ZNF799: variants seen among roughly 807,000 people sequenced by gnomAD.
ZNF799 encodes the protein zinc finger protein 799.
In ZNF799, 28 loss-of-function variants were observed where a neutral mutation model predicts 41.0. The ratio of observed to expected loss-of-function variants is 0.68; its 90% CI spans 0.51 to 0.94. The LOEUF (loss-of-function observed/expected upper bound fraction) is 0.94, where lower values mean the gene tolerates loss of function less well. Among genes scored for constraint, ZNF799 ranks in the 40% least tolerant of loss-of-function variants. The probability of loss-of-function intolerance (pLI) is 0.00; values close to 1 mark genes in which losing one functional copy is unlikely to be tolerated. For missense variants in ZNF799, 716 were observed against 764.3 expected (o/e 0.94, Z 0.74); for synonymous variants, 213 against 252.9 (o/e 0.84, Z 1.50).
At chr19:12,406,452 C>A in the ZNF799 span, among the ~76,000 whole-genome samples, 5 of 150,252 alleles carry the variant, frequency 3.3e-5, no homozygotes, top group Admixed American at 6.6e-5. Flanking sequence ...CCACTGGACT[C>A]CAGCCTGGGC....
intron 1 of ZNF799, among the ~76,000 whole-genome samples, chr19:12,397,518 T>C (rs1477006352): frequency 6.7e-6 from 1 of 149,730 alleles, no homozygotes; most frequent in African/African-American, 2.5e-5. Flanking sequence ...TTAACTATGA[T>C]TGCTCCACTG....
intron 1 of ZNF799, among the ~76,000 whole-genome samples, chr19:12,399,589 C>T (rs1248158733): frequency 6.7e-6 from 1 of 148,952 alleles, no homozygotes; most frequent in South Asian, 2.1e-4. Context: ...GGAGGAGTGA[C>T]CCAGGGGATG....
the ZNF799 span, among the ~76,000 whole-genome samples, chr19:12,412,417 T>C: frequency 6.7e-6 from 1 of 149,734 alleles, no homozygotes; most frequent in Non-Finnish European, 1.5e-5. Flanking sequence ...TGTATTTTGT[T>C]GAGTTGCCTT....
upstream of ZNF799, among the ~76,000 whole-genome samples, chr19:12,401,644 G>C (rs1969990072): frequency 1.5e-5 from 2 of 132,948 alleles, no homozygotes; most frequent in African/African-American, 5.7e-5. Context: ...ATGGTGCGAG[G>C]CTCACTGCGA....
At chr19:12,409,884 C>T in the ZNF799 span, among the ~76,000 whole-genome samples, 29 of 152,232 alleles carry the variant, frequency 1.9e-4, no homozygotes, top group African/African-American at 6.5e-4. Flanking sequence ...CAGTGGCTCA[C>T]GCCCATAATC....
intron 1 of ZNF799, chr19:12,394,735 T>C (rs535424923): frequency 1.0e-6 from 1 of 985,126 alleles, no homozygotes; most frequent in African/African-American, 1.7e-5. Flanking sequence ...TTATAATACT[T>C]ACTAAGAAAC....
Position 12,391,130 on chromosome 19 carries a change from C to A in ZNF799, c.1268G>T (p.Cys423Phe). Residue 423 changes from cysteine (C) to phenylalanine (F), a missense_variant, in exon 4 of 4, where the codon TGT becomes TTT. Physicochemically the swap from Cys to Phe is radical, Grantham distance 205. This residue lies in a region of ZNF799 where 698 missense variants were observed against 713.6 expected (regional missense o/e 0.98). Transcript: ENST00000430385. ...KTHTAEKPYK[C>F]KQCGKAYRIS... is the part of the protein sequence containing the mutation. ...ACGGTAGGCTTTGCCACATTGTTTA[C>A]ATTTATAGGGTTTCTCTGCAGTGTG... 1.2e-6 allele frequency: 2 copies of A among 1,614,178 alleles called. No individual in the cohort carries two copies. The highest frequency in any genetic ancestry group is 1.7e-6 in the Non-Finnish European group (2 of 1,180,014).
chr19:12,414,139 G>A, the ZNF799 span, among the ~76,000 whole-genome samples: 2 of 151,838 alleles, frequency 1.3e-5, no homozygotes, highest in African/African-American at 4.8e-5. Flanking sequence ...GCCTCCTCGC[G>A]GCAGCTCCCT....
In ZNF799 at chr19:12,392,121, T is replaced by C. The variant is rs187867808; in HGVS notation, c.277A>G (p.Thr93Ala). The C allele has an allele frequency of 5.6e-5, 90 of 1,614,140 alleles. No homozygotes were observed. The African/African-American group carries it at 9.2e-4, about 16-fold the overall frequency. ...CCTACTCCAGGAAGAGTGTTCTTGG[T>C]CACAATACTATCTTGAATCTGGCTA... ...TSSQIQDSIV[T>A]KNTLPGVGPY... Residue 93 changes from threonine (T) to alanine (A), a missense_variant, in exon 4 of 4, where the codon ACC (threonine) becomes GCC (alanine). Thr to Ala is a moderately conservative substitution (Grantham distance 58). Coordinates refer to ENST00000430385, the MANE Select transcript of ZNF799 (RefSeq NM_001080821.3).
chr19:12,390,872 C>A lies in ZNF799; in HGVS notation c.1526G>T (p.Cys509Phe). The A allele has an allele frequency of 6.2e-7, 1 of 1,614,098 alleles. No homozygotes were observed. Residue 509 changes from cysteine to phenylalanine, a missense_variant, in exon 4 of 4, where the codon TGT (cysteine) becomes TTT (phenylalanine). Cys to Phe is a radical substitution (Grantham distance 205). This residue lies in a region of ZNF799 where 698 missense variants were observed against 713.6 expected (regional missense o/e 0.98). Transcript: ENST00000430385. Reference sequence around the variant, plus strand: ...ACCAAAATGACTGAAGGCTTTCTTACATGTGTTACACTCATAAGGTTTCTC... The same window carrying A: ...ACCAAAATGACTGAAGGCTTTCTTAAATGTGTTACACTCATAAGGTTTCTC... ...TGEKPYECNTCKKAFSHFGNL... is the reference protein window; with the variant it reads ...TGEKPYECNTFKKAFSHFGNL...
chr19:12,409,961 ACATGGCAAAACC>A, the ZNF799 span, among the ~76,000 whole-genome samples: 5 of 152,276 alleles, frequency 3.3e-5, no homozygotes, highest in East Asian at 7.7e-4. Context: ...AGCCTGGCCA[ACATGGCAAAACC>A]CTGTCTCTAC....
chr19:12,412,953 C>A, the ZNF799 span, among the ~76,000 whole-genome samples: 1 of 147,724 alleles, frequency 6.8e-6, no homozygotes, highest in Non-Finnish European at 1.5e-5. Flanking sequence ...ATCGCTTGAA[C>A]CCGGGAGGCA....
the ZNF799 span, among the ~76,000 whole-genome samples, chr19:12,411,117 C>T: frequency 1.2e-4 from 18 of 152,174 alleles, no homozygotes; most frequent in African/African-American, 2.2e-4. Flanking sequence ...GACATATCTC[C>T]GCCATGTAAG....
the ZNF799 span, among the ~76,000 whole-genome samples, chr19:12,411,057 A>G: frequency 6.6e-6 from 1 of 152,234 alleles, no homozygotes; most frequent in South Asian, 2.1e-4. Flanking sequence ...GAGAGAAATC[A>G]TGTTATAAGG....
At chr19:12,414,338 C>T in the ZNF799 span, among the ~76,000 whole-genome samples, 1 of 152,150 alleles carries the variant, frequency 6.6e-6, no homozygotes, top group African/African-American at 2.4e-5. Context: ...GTGACCTTAT[C>T]CCGCCCCTGG....
the ZNF799 span, among the ~76,000 whole-genome samples, chr19:12,410,249 G>C: frequency 4.0e-5 from 4 of 99,544 alleles, no homozygotes; most frequent in Non-Finnish European, 7.7e-5. Context: ...ATCAATGTCT[G>C]TGTGCATATA....
chr19:12,393,896 G>T, intron 1 of ZNF799: 2 of 271,688 alleles, frequency 7.4e-6, no homozygotes, highest in Non-Finnish European at 5.8e-6. Flanking sequence ...GGGGTGGAGT[G>T]TGCCTAAATT....
At chr19:12,407,484 A>T in the ZNF799 span, among the ~76,000 whole-genome samples, 2 of 148,100 alleles carry the variant, frequency 1.4e-5, no homozygotes, top group African/African-American at 5.1e-5. Flanking sequence ...AGAGAGAGAG[A>T]GAAAAAAAAA....
intron 1 of ZNF799, among the ~76,000 whole-genome samples, chr19:12,398,439 T>C (rs1434080286): frequency 1.3e-5 from 2 of 152,314 alleles, no homozygotes; most frequent in East Asian, 1.9e-4. Flanking sequence ...TTTATGTCTA[T>C]GGGTGGGAAG....
Sources: gnomAD v4.1 joint callset for allele counts (sites outside exome capture counted in the v4.1 genomes callset) on GRCh38, gnomAD v4.1.1 for gene constraint, gnomAD v4.1.1 regional missense constraint, MANE v1.5 for transcripts, NCBI Gene and HGNC (gene_info 2026-07-23, HGNC 2026-07-21) for gene names.